Variants in CORIN observed in about 807,000 individuals in gnomAD.
CORIN encodes corin, serine peptidase.
Under a neutral mutation model 125.3 loss-of-function variants are expected in CORIN, and 117 were observed. The observed-to-expected ratio is 0.93, with a 90% CI of 0.80 to 1.09. CORIN has a LOEUF of 1.09. Ranked by LOEUF, CORIN falls within the 50% of genes least tolerant of loss-of-function variation. CORIN has a pLI of 0.00. For missense variants in CORIN, 1,253 were observed against 1,306.7 expected (o/e 0.96, Z 0.63); for synonymous variants, 450 against 466.4 (o/e 0.96, Z 0.45).
intron 20 of CORIN, among the ~76,000 whole-genome samples, chr4:47,601,578 A>G (rs1721449949): frequency 1.3e-5 from 2 of 152,006 alleles, no homozygotes; most frequent in African/African-American, 4.8e-5. Flanking sequence ...GGCTCAATTC[A>G]TGCTATACTA....
intron 5 of CORIN, among the ~76,000 whole-genome samples, chr4:47,716,817 A>G (rs1039690010): frequency 1.6e-4 from 25 of 152,134 alleles, no homozygotes; most frequent in African/African-American, 5.5e-4. Flanking sequence ...ATCACATAAT[A>G]ATGTTGACAC....
chr4:47,647,106 A>G (rs1723526567), intron 13 of CORIN, among the ~76,000 whole-genome samples: 1 of 152,174 alleles, frequency 6.6e-6, no homozygotes, highest in African/African-American at 2.4e-5. Context: ...TCACAGGGAC[A>G]TTATTTAGAG....
In CORIN at chr4:47,763,746, T is replaced by C. The variant is rs140697052; in HGVS notation, c.410-160A>G. Reference sequence around the variant, plus strand: ...GTGCATGTAAGTATGTGTATGTGTATGATAATGAAATCAAGCTACAAATAT... The same window carrying C: ...GTGCATGTAAGTATGTGTATGTGTACGATAATGAAATCAAGCTACAAATAT... On this transcript the variant is annotated intron_variant, in intron 3 of 21. Transcript: ENST00000273857. 3.3e-5 allele frequency among the ~76,000 whole-genome samples: 5 copies of C among 152,184 alleles called. No homozygotes were observed. In the East Asian group the frequency reaches 7.7e-4, roughly 23 times the overall value.
At chr4:47,821,124 G>A (rs1732491495) in intron 1 of CORIN, among the ~76,000 whole-genome samples, 1 of 151,866 alleles carries the variant, frequency 6.6e-6, no homozygotes, top group African/African-American at 2.4e-5. Flanking sequence ...AGTACCAGCT[G>A]CTCGGGAGGC....
chr4:47,746,824 G>A (rs1165294162), intron 4 of CORIN, among the ~76,000 whole-genome samples: 4 of 152,084 alleles, frequency 2.6e-5, no homozygotes, highest in African/African-American at 9.7e-5. Context: ...CTGAGCCACC[G>A]CACCCAGCCA....
chr4:47,757,459 T>C (rs541204430), intron 4 of CORIN, among the ~76,000 whole-genome samples: 1 of 151,718 alleles, frequency 6.6e-6, no homozygotes, highest in Non-Finnish European at 1.5e-5. Context: ...CCAGGCGCGG[T>C]GGTGGGCGCC....
intron 12 of CORIN, among the ~76,000 whole-genome samples, chr4:47,654,452 C>T (rs981836475): frequency 1.6e-4 from 24 of 152,192 alleles, no homozygotes; most frequent in Middle Eastern, 3.2e-3. Context: ...TCTTGAATCA[C>T]CAACACCACC....
chr4:47,706,659 G>C, intron 5 of CORIN: 3 of 1,610,452 alleles, frequency 1.9e-6, no homozygotes, highest in South Asian at 1.1e-5. Flanking sequence ...AATTTTGCTC[G>C]AAGCCTTCAG....
intron 16 of CORIN, among the ~76,000 whole-genome samples, chr4:47,627,503 G>T (rs949898729): frequency 2.0e-4 from 30 of 152,182 alleles, no homozygotes; most frequent in African/African-American, 7.0e-4. Context: ...CCACAATGAA[G>T]AAGAGTGGCT....
chr4:47,657,282 C>T (rs1724029781), intron 12 of CORIN, among the ~76,000 whole-genome samples: 1 of 151,988 alleles, frequency 6.6e-6, no homozygotes, highest in African/African-American at 2.4e-5. Flanking sequence ...GCCTGTAATC[C>T]CAGCACTTTG....
At chr4:47,649,998 T>C (rs529100620) in intron 13 of CORIN, among the ~76,000 whole-genome samples, 13 of 152,298 alleles carry the variant, frequency 8.5e-5, no homozygotes, top group African/African-American at 7.2e-5. Flanking sequence ...TTCTGTGAGA[T>C]AACTCATAGA....
chr4:47,786,020 C>T (rs770407219), intron 3 of CORIN, among the ~76,000 whole-genome samples: 27 of 151,384 alleles, frequency 1.8e-4, no homozygotes, highest in Non-Finnish European at 2.8e-4. Flanking sequence ...AAGTCAGTGA[C>T]TTAACTTACT....
intron 5 of CORIN, among the ~76,000 whole-genome samples, chr4:47,728,189 T>G (rs527421798): frequency 1.1e-4 from 16 of 152,312 alleles, no homozygotes; most frequent in African/African-American, 3.8e-4. Context: ...GTGATGATTC[T>G]GAATCATGCA....
intron 5 of CORIN, among the ~76,000 whole-genome samples, chr4:47,711,687 G>T (rs1157271730): frequency 6.6e-6 from 1 of 152,194 alleles, no homozygotes; most frequent in Non-Finnish European, 1.5e-5. Context: ...TCTATTTTGG[G>T]ATCTCTATTG....
At chr4:47,627,066 G>C (rs10029890) in intron 16 of CORIN, among the ~76,000 whole-genome samples, 39,590 of 151,528 alleles carry the variant, frequency 0.26, 5,389 homozygotes, top group Admixed American at 0.35. Flanking sequence ...TCACTGCAAC[G>C]TCTGCCTCAG....
intron 5 of CORIN, among the ~76,000 whole-genome samples, chr4:47,730,637 C>T (rs1363836267): frequency 6.6e-6 from 1 of 152,166 alleles, no homozygotes; most frequent in Non-Finnish European, 1.5e-5. Flanking sequence ...TGCAGGGTGA[C>T]CACACAGGAG....
intron 16 of CORIN, among the ~76,000 whole-genome samples, chr4:47,635,818 TAAGTC>T (rs1723002306): frequency 6.6e-6 from 1 of 152,202 alleles, no homozygotes; most frequent in Non-Finnish European, 1.5e-5. Flanking sequence ...TATCAGAAGT[TAAGTC>T]ATTACTAAGG....
intron 10 of CORIN, among the ~76,000 whole-genome samples, chr4:47,670,689 G>C (rs1724710830): frequency 6.6e-6 from 1 of 152,220 alleles, no homozygotes; most frequent in South Asian, 2.1e-4. Context: ...AGGGAGGCAG[G>C]AGAGACATGC....
chr4:47,706,560 G>A, intron 5 of CORIN: 1 of 1,609,644 alleles, frequency 6.2e-7, no homozygotes. Context: ...TTATACATAG[G>A]ATTTGTGTTA....
Sources: allele counts gnomAD v4.1 joint callset (sites outside exome capture counted in the v4.1 genomes callset), GRCh38; gene constraint gnomAD v4.1.1; transcripts MANE v1.5; gene names NCBI Gene and HGNC (gene_info 2026-07-23, HGNC 2026-07-21).